The following LRRTM3 variants were observed in gnomAD, a reference collection of about 807,000 sequenced individuals.
The protein encoded by LRRTM3 is leucine-rich repeat transmembrane neuronal protein 3.
LRRTM3 carries 24 observed loss-of-function variants against 44.7 expected under a neutral mutation model. The observed-to-expected ratio is 0.54, with a 90% CI of 0.39 to 0.76. LRRTM3 has a LOEUF of 0.76. LRRTM3 is among the 30% of genes least tolerant of loss of function. The pLI is 0.00. For synonymous variants in LRRTM3, 277 were observed against 278.7 expected (o/e 0.99, Z 0.06); for missense variants, 587 against 702.2 (o/e 0.84, Z 1.85).
intron 2 of LRRTM3, among the ~76,000 whole-genome samples, chr10:66,957,717 G>C (rs1848900194): frequency 6.6e-6 from 1 of 151,818 alleles, no homozygotes; most frequent in South Asian, 2.1e-4. Context: ...GTGAAACATG[G>C]GGACAGCATC....
intron 2 of LRRTM3, among the ~76,000 whole-genome samples, chr10:66,989,801 A>C (rs1850940216): frequency 6.6e-6 from 1 of 152,144 alleles, no homozygotes; most frequent in African/African-American, 2.4e-5. Context: ...GTCTGAGCTC[A>C]TCCAGGAAAC....
At chr10:67,011,338 C>CA (rs764795305) in intron 2 of LRRTM3, among the ~76,000 whole-genome samples, 1,942 of 61,824 alleles carry the variant, frequency 0.031, 24 homozygotes, top group East Asian at 0.13. Flanking sequence ...AAGTCTGTCT[C>CA]AAAAAAAAAA....
chr10:67,048,913 A>G (rs919526978), intron 2 of LRRTM3, among the ~76,000 whole-genome samples: 1 of 152,086 alleles, frequency 6.6e-6, no homozygotes, highest in Non-Finnish European at 1.5e-5. Context: ...TTTCACTCAT[A>G]CAACTAGTCA....
At chr10:66,957,470 G>GCATATATATATA (rs1848884385) in intron 2 of LRRTM3, among the ~76,000 whole-genome samples, 1 of 124,126 alleles carries the variant, frequency 8.1e-6, no homozygotes, top group Non-Finnish European at 1.7e-5. Context: ...ATATATATAT[G>GCATATATATATA]TTTGATCCTG....
Position 66,928,124 on chromosome 10 carries a change from A to G in LRRTM3, c.1208A>G (p.Glu403Gly), listed in dbSNP as rs953501371. Residue 403 changes from glutamate (E) to glycine (G), a missense_variant, in exon 2 of 3, where the codon GAG becomes GGG. Physicochemically the swap from Glu to Gly is moderately conservative, Grantham distance 98. Around this residue, in one of 3 missense-constraint regions of LRRTM3, gnomAD observed 315 missense variants for 335.6 expected, o/e 0.94. Transcript: ENST00000361320. Reference sequence around the variant, plus strand: ...TTGCCCCCGACGGTGGGAGCCACAGAGCCCGGCCCAGAGACCGATGCTGAC... The same window carrying G: ...TTGCCCCCGACGGTGGGAGCCACAGGGCCCGGCCCAGAGACCGATGCTGAC... ...PPLPPTVGAT[E>G]PGPETDADAE... is the part of the protein sequence containing the mutation. The G allele has an allele frequency of 6.2e-7, 1 of 1,613,986 alleles. No individual in the cohort carries two copies. The highest frequency in any genetic ancestry group is 1.3e-5 in the African/African-American group (1 of 74,994).
At chr10:66,932,378 T>C (rs1847452715) in intron 2 of LRRTM3, among the ~76,000 whole-genome samples, 1 of 152,146 alleles carries the variant, frequency 6.6e-6, no homozygotes, top group South Asian at 2.1e-4. Context: ...AAGCATCAGG[T>C]CATGAAGCCT....
intron 2 of LRRTM3, among the ~76,000 whole-genome samples, chr10:67,024,784 T>A (rs1483478860): frequency 6.6e-6 from 1 of 152,160 alleles, no homozygotes; most frequent in Non-Finnish European, 1.5e-5. Flanking sequence ...TTGCTTTAAA[T>A]ATTTTAACTT....
rs547507517 is a variant in LRRTM3, at chr10:67,072,296, T to A, written c.1537-25291T>A. On this transcript the variant is annotated intron_variant, in intron 2 of 2. Coordinates refer to ENST00000361320, the MANE Select transcript of LRRTM3 (RefSeq NM_178011.5). ...TGTGTCCCACTTCTCCAATCGAATT[T>A]TCTTTTCCTTCACTTTTTTTAGTCC... Among the ~76,000 whole-genome samples, 5 of 152,324 alleles carry A rather than the reference T, an allele frequency of 3.3e-5. No individual in the cohort carries two copies. The South Asian group carries it at 6.2e-4, about 19-fold the overall frequency.
At chr10:66,981,174 G>T (rs1235999864) in intron 2 of LRRTM3, among the ~76,000 whole-genome samples, 1 of 152,196 alleles carries the variant, frequency 6.6e-6, no homozygotes, top group African/African-American at 2.4e-5. Flanking sequence ...AAAGTGCTGG[G>T]ATTACAGGCG....
chr10:67,009,462 C>T (rs951351795), intron 2 of LRRTM3, among the ~76,000 whole-genome samples: 2 of 151,886 alleles, frequency 1.3e-5, no homozygotes, highest in Non-Finnish European at 2.9e-5. Context: ...ATATACATAA[C>T]CTCTTTCATC....
At chr10:66,973,913 C>T (rs1435114027) in intron 2 of LRRTM3, among the ~76,000 whole-genome samples, 4 of 152,122 alleles carry the variant, frequency 2.6e-5, no homozygotes, top group East Asian at 3.9e-4. Context: ...TGAACCACCG[C>T]GTCCAGCCTT....
At chr10:66,938,707 T>G (rs1337326451) in intron 2 of LRRTM3, among the ~76,000 whole-genome samples, 1 of 152,210 alleles carries the variant, frequency 6.6e-6, no homozygotes, top group African/African-American at 2.4e-5. Context: ...GATCATGTTC[T>G]GATTTAAATT....
At chr10:67,042,046 GCTGAGAGACAAAAAAAGGC>G (rs1564849806) in intron 2 of LRRTM3, among the ~76,000 whole-genome samples, 2 of 152,084 alleles carry the variant, frequency 1.3e-5, no homozygotes, top group African/African-American at 4.8e-5. Flanking sequence ...CAGAGCTGAG[GCTGAGAGACAAAAAAAGGC>G]CTATGTGGTA....
chr10:66,928,280 G>A lies in LRRTM3; in HGVS notation c.1364G>A (p.Arg455His), dbSNP rs1401377000. 4 of 1,614,110 alleles carry A rather than the reference G, an allele frequency of 2.5e-6. No homozygotes were observed. The highest frequency in any genetic ancestry group is 3.4e-6 in the Non-Finnish European group (4 of 1,180,028). Residue 455 changes from arginine to histidine, a missense_variant, in exon 2 of 3, where the codon CGC (arginine) becomes CAC (histidine). Physicochemically the swap from Arg to His is conservative, Grantham distance 29 (BLOSUM62 0). Coordinates refer to ENST00000361320, the MANE Select transcript of LRRTM3 (RefSeq NM_178011.5). ...YPASMKQLQQ[R>H]SLMRRHRKKK... The stretch of plus-strand genomic sequence containing the variant: ...GCGAGCATGAAGCAGCTGCAGCAGC[G>A]CTCCCTCATGCGAAGGCACAGGAAA...
intron 2 of LRRTM3, among the ~76,000 whole-genome samples, chr10:67,071,403 T>C (rs957156120): frequency 6.6e-6 from 1 of 151,008 alleles, no homozygotes; most frequent in African/African-American, 2.4e-5. Flanking sequence ...AGTTACAGAA[T>C]TGTAGGTTTG....
intron 2 of LRRTM3, among the ~76,000 whole-genome samples, chr10:67,025,129 C>CAAAAAAA (rs1206262968): frequency 7.9e-5 from 2 of 25,346 alleles, no homozygotes; most frequent in Admixed American, 7.6e-4. Flanking sequence ...AAAACTCTGT[C>CAAAAAAA]AAAAACAAAA....
At chr10:66,943,888 A>C (rs1015202542) in intron 2 of LRRTM3, among the ~76,000 whole-genome samples, 16 of 152,214 alleles carry the variant, frequency 1.1e-4, no homozygotes, top group African/African-American at 3.4e-4. Context: ...TTATAATTTA[A>C]AAATACTTTA....
At position 67,074,500 on chromosome 10, in the gene LRRTM3, A is replaced by G. The variant is rs532906139; in HGVS notation, c.1537-23087A>G. 2.8e-3 allele frequency among the ~76,000 whole-genome samples: 423 copies of G among 151,282 alleles called. 2 individuals carry two copies. Among genetic ancestry groups the G allele is most frequent in the African/African-American group, 6.7e-3 (278 of 41,210 alleles). The stretch of plus-strand genomic sequence containing the variant: ...CGAGTAGCTGGGACTACAGGCGCCC[A>G]CCACCACGCCCGGCTAATTTTCTGT... On this transcript the variant is annotated intron_variant, in intron 2 of 2. Transcript: ENST00000361320.
intron 2 of LRRTM3, among the ~76,000 whole-genome samples, chr10:66,993,827 C>T (rs1851176811): frequency 1.3e-5 from 2 of 151,854 alleles, no homozygotes; most frequent in African/African-American, 4.8e-5. Flanking sequence ...TTGGTTAGGT[C>T]TTCTTTTATG....
Sources: gnomAD v4.1 joint callset for allele counts (sites outside exome capture counted in the v4.1 genomes callset) on GRCh38, gnomAD v4.1.1 for gene constraint, gnomAD v4.1.1 regional missense constraint, MANE v1.5 for transcripts, NCBI Gene and HGNC (gene_info 2026-07-23, HGNC 2026-07-21) for gene names.